EFNA5: variants seen among roughly 807,000 people sequenced by gnomAD.
EFNA5 encodes the protein ephrin-A5.
In EFNA5, 5 loss-of-function variants were observed where a neutral mutation model predicts 22.9. The ratio of observed to expected loss-of-function variants is 0.22; its 90% CI spans 0.11 to 0.46. The LOEUF (loss-of-function observed/expected upper bound fraction) is 0.46, where lower values mean the gene tolerates loss of function less well. EFNA5 is among the 20% of genes least tolerant of loss of function. EFNA5 has a pLI of 0.99. For synonymous variants in EFNA5, 113 were observed against 112.2 expected (o/e 1.01, Z -0.04); for missense variants, 237 against 293.3 (o/e 0.81, Z 1.40).
At chr5:107,494,874 A>C (rs25973) in intron 1 of EFNA5, among the ~76,000 whole-genome samples, 78,682 of 150,806 alleles carry the variant, frequency 0.52, 23,744 homozygotes, top group African/African-American at 0.85. Flanking sequence ...GGTGCTAGAC[A>C]AATCAACACT....
intron 1 of EFNA5, among the ~76,000 whole-genome samples, chr5:107,637,435 G>T (rs1750395957): frequency 6.6e-6 from 1 of 151,706 alleles, no homozygotes; most frequent in Non-Finnish European, 1.5e-5. Flanking sequence ...GATGAATAAG[G>T]CTTCAGAGAG....
chr5:107,631,377 C>CATAT (rs143038359), intron 1 of EFNA5, among the ~76,000 whole-genome samples: 2 of 147,612 alleles, frequency 1.4e-5, no homozygotes, highest in African/African-American at 4.9e-5. Flanking sequence ...TACACATGTA[C>CATAT]ATATATATAT....
At chr5:107,553,530 C>T (rs1343677628) in intron 1 of EFNA5, among the ~76,000 whole-genome samples, 6 of 152,194 alleles carry the variant, frequency 3.9e-5, no homozygotes, top group African/African-American at 1.4e-4. Context: ...TTTTACATCT[C>T]CCCGAGGTGT....
chr5:107,406,497 G>C (rs1412091586), intron 2 of EFNA5, among the ~76,000 whole-genome samples: 3 of 150,698 alleles, frequency 2.0e-5, no homozygotes, highest in African/African-American at 4.9e-5. Context: ...TTTTCTTTAG[G>C]TCCCTCCTCC....
At chr5:107,493,063 A>T (rs971991000) in intron 1 of EFNA5, among the ~76,000 whole-genome samples, 10 of 152,058 alleles carry the variant, frequency 6.6e-5, no homozygotes, top group African/African-American at 2.2e-4. Context: ...AGCTAAAAAA[A>T]TGCTTAAAAA....
chr5:107,482,450 G>A (rs1750495127), intron 1 of EFNA5, among the ~76,000 whole-genome samples: 1 of 152,234 alleles, frequency 6.6e-6, no homozygotes, highest in South Asian at 2.1e-4. Flanking sequence ...TTAAACTAGA[G>A]AATGAGAAGT....
In EFNA5 at chr5:107,380,826, G is replaced by A. The variant is rs1747433077; in HGVS notation, c.*429C>T. 2 of 408,298 alleles carry A rather than the reference G, an allele frequency of 4.9e-6. No individual in the cohort carries two copies. Among genetic ancestry groups the A allele is most frequent in the Admixed American group, 4.1e-5 (1 of 24,474 alleles). 25.3% of individuals were successfully genotyped at this position (408,298 alleles called of 1,614,324 possible). Reference sequence around the variant, plus strand: ...ATGAGAAGGCATAAATATTGCATAGGAGAGCAAAACCCTCCCAGCCCTAGC... The same window carrying A: ...ATGAGAAGGCATAAATATTGCATAGAAGAGCAAAACCCTCCCAGCCCTAGC... On this transcript the variant is annotated 3_prime_UTR_variant, in exon 5 of 5. Transcript: ENST00000333274.
chr5:107,425,614 T>C (rs1399419723), intron 2 of EFNA5, among the ~76,000 whole-genome samples: 3 of 152,210 alleles, frequency 2.0e-5, no homozygotes, highest in Non-Finnish European at 4.4e-5. Context: ...TTTTCTTGTT[T>C]TATGGATCAA....
intron 1 of EFNA5, among the ~76,000 whole-genome samples, chr5:107,614,946 C>G (rs1749883662): frequency 6.6e-6 from 1 of 152,044 alleles, no homozygotes; most frequent in African/African-American, 2.4e-5. Flanking sequence ...CCTTTTCAGA[C>G]ATGGGATTTT....
chr5:107,493,626 C>T lies in EFNA5; in HGVS notation c.126-66117G>A, dbSNP rs190242333. On this transcript the variant is annotated intron_variant, in intron 1 of 4. Transcript: ENST00000333274. The stretch of plus-strand genomic sequence containing the variant: ...ATGTACTTATTCAGATTTGTAAACT[C>T]CTAAGTGGCAGGAGAATATTAACAT... 3.3e-5 allele frequency among the ~76,000 whole-genome samples: 5 copies of T among 152,322 alleles called. No homozygotes were observed. In the East Asian group the frequency reaches 9.6e-4, roughly 29 times the overall value.
intron 1 of EFNA5, among the ~76,000 whole-genome samples, chr5:107,651,204 T>G (rs1283394669): frequency 6.6e-6 from 1 of 152,176 alleles, no homozygotes; most frequent in African/African-American, 2.4e-5. Flanking sequence ...TTGGCTAGTA[T>G]AAAGTATGTA....
intron 1 of EFNA5, among the ~76,000 whole-genome samples, chr5:107,512,661 C>T (rs778026760): frequency 4.6e-5 from 7 of 151,990 alleles, no homozygotes; most frequent in Admixed American, 2.0e-4. Context: ...AAAGCATATA[C>T]GAGAACTTAA....
intron 1 of EFNA5, among the ~76,000 whole-genome samples, chr5:107,631,414 C>CATAT (rs1196466154): frequency 8.0e-4 from 121 of 151,640 alleles, no homozygotes; most frequent in Non-Finnish European, 2.9e-4. Flanking sequence ...CATATATATA[C>CATAT]ATATACACAA....
chr5:107,522,064 G>A (rs554084344), intron 1 of EFNA5, among the ~76,000 whole-genome samples: 4 of 152,214 alleles, frequency 2.6e-5, no homozygotes, highest in Admixed American at 6.5e-5. Context: ...ATATAGCAAC[G>A]GTCCATAGTA....
At chr5:107,668,548 C>G (rs1211643194) in intron 1 of EFNA5, among the ~76,000 whole-genome samples, 1 of 151,592 alleles carries the variant, frequency 6.6e-6, no homozygotes, top group Non-Finnish European at 1.5e-5. Context: ...ACTGGAACAC[C>G]CAAGTATCCA....
chr5:107,420,773 T>A (rs932126324), intron 2 of EFNA5, among the ~76,000 whole-genome samples: 5 of 152,168 alleles, frequency 3.3e-5, no homozygotes, highest in Non-Finnish European at 7.4e-5. Context: ...TATTATGGCA[T>A]TTATCCATGC....
In EFNA5 at chr5:107,498,624, G is replaced by A. The variant is rs1747051987; in HGVS notation, c.126-71115C>T. On this transcript the variant is annotated intron_variant, in intron 1 of 4. Transcript: ENST00000333274. ...AAGATGCTCCATTTATGAAACACTA[G>A]TTCAAAGATAAAATTCAGAATTTTG... Among the ~76,000 whole-genome samples, 7 of 152,296 alleles carry A rather than the reference G, an allele frequency of 4.6e-5. 1 individual carries two copies. The South Asian group carries it at 1.4e-3, about 32-fold the overall frequency.
At chr5:107,669,229 CCT>C (rs907025705) in intron 1 of EFNA5, among the ~76,000 whole-genome samples, 1 of 151,602 alleles carries the variant, frequency 6.6e-6, no homozygotes, top group Non-Finnish European at 1.5e-5. Context: ...CCACCGATAC[CCT>C]CTCTCCTGGA....
intron 1 of EFNA5, among the ~76,000 whole-genome samples, chr5:107,461,382 G>T (rs990112895): frequency 6.6e-6 from 1 of 152,018 alleles, no homozygotes; most frequent in African/African-American, 2.4e-5. Flanking sequence ...GGGCAGCAAG[G>T]TACCACTTAG....
Sources: allele counts gnomAD v4.1 joint callset (sites outside exome capture counted in the v4.1 genomes callset), GRCh38; gene constraint gnomAD v4.1.1; transcripts MANE v1.5; gene names NCBI Gene and HGNC (gene_info 2026-07-23, HGNC 2026-07-21).